Variants in NPAS3 observed in about 807,000 individuals in gnomAD.
The protein encoded by NPAS3 is neuronal PAS domain protein 3.
Under a neutral mutation model 73.1 loss-of-function variants are expected in NPAS3, and 14 were observed. The ratio of observed to expected loss-of-function variants is 0.19; its 90% CI spans 0.13 to 0.30. The LOEUF is 0.30. Among genes scored for constraint, NPAS3 ranks in the 10% least tolerant of loss-of-function variants. NPAS3 has a pLI of 1.00. For synonymous variants in NPAS3, 620 were observed against 541.5 expected, an observed-to-expected ratio of 1.14 and a Z score of -2.01; for missense variants, 1,096 against 1,250.0, an observed-to-expected ratio of 0.88 and a Z score of 1.86.
intron 2 of NPAS3, among the ~76,000 whole-genome samples, chr14:33,199,455 G>A (rs1344124985): frequency 1.3e-5 from 2 of 152,176 alleles, no homozygotes; most frequent in African/African-American, 4.8e-5. Context: ...CATTCTGAAT[G>A]TTACTGTGTA....
chr14:33,500,424 G>T (rs189835215), intron 4 of NPAS3, among the ~76,000 whole-genome samples: 11 of 151,930 alleles, frequency 7.2e-5, no homozygotes, highest in Admixed American at 2.0e-4. Flanking sequence ...TCCCAAGTCC[G>T]ATCAGTGCAG....
intron 2 of NPAS3, among the ~76,000 whole-genome samples, chr14:33,077,330 T>C (rs2041694402): frequency 1.3e-5 from 2 of 152,180 alleles, no homozygotes; most frequent in South Asian, 4.1e-4. Context: ...TTGATTTCCT[T>C]TTGGAAATTA....
At chr14:33,522,719 C>T (rs1288808081) in intron 4 of NPAS3, among the ~76,000 whole-genome samples, 11 of 151,982 alleles carry the variant, frequency 7.2e-5, no homozygotes, top group Admixed American at 6.6e-4. Context: ...TGGTATATAT[C>T]CCACCCTACT....
intron 3 of NPAS3, among the ~76,000 whole-genome samples, chr14:33,223,852 T>A (rs2047524897): frequency 6.6e-6 from 1 of 152,066 alleles, no homozygotes; most frequent in African/African-American, 2.4e-5. Flanking sequence ...AAAAAATTTT[T>A]TTTTGTTTGT....
chr14:33,665,035 C>T (rs2059414543), intron 5 of NPAS3, among the ~76,000 whole-genome samples: 1 of 152,220 alleles, frequency 6.6e-6, no homozygotes, highest in Non-Finnish European at 1.5e-5. Context: ...ATAAATCATT[C>T]TGCTATAAAG....
chr14:33,322,278 C>G (rs552803784), intron 3 of NPAS3, among the ~76,000 whole-genome samples: 8 of 152,118 alleles, frequency 5.3e-5, no homozygotes, highest in Non-Finnish European at 1.0e-4. Flanking sequence ...CCATTGCCTC[C>G]GTCAGTATCC....
chr14:32,994,812 A>G (rs547062739), intron 1 of NPAS3, among the ~76,000 whole-genome samples: 96 of 152,122 alleles, frequency 6.3e-4, no homozygotes, highest in African/African-American at 2.2e-3. Flanking sequence ...TTGTATTTTC[A>G]GTAGAGATGG....
At chr14:33,498,709 A>AT (rs2052342746) in intron 4 of NPAS3, among the ~76,000 whole-genome samples, 1 of 104,116 alleles carries the variant, frequency 9.6e-6, no homozygotes, top group Non-Finnish European at 1.8e-5. Context: ...GGGCTAGGGA[A>AT]GGGGTTAGGA....
chr14:33,613,759 A>G (rs1206277102), intron 5 of NPAS3, among the ~76,000 whole-genome samples: 1 of 152,122 alleles, frequency 6.6e-6, no homozygotes, highest in African/African-American at 2.4e-5. Flanking sequence ...GTCAAAATCT[A>G]TCCAATCTAC....
chr14:33,660,639 G>A (rs1053009237), intron 5 of NPAS3, among the ~76,000 whole-genome samples: 3 of 152,184 alleles, frequency 2.0e-5, no homozygotes, highest in Non-Finnish European at 1.5e-5. Context: ...GGAGGGCAAC[G>A]CAAAGCCATA....
chr14:33,350,472 G>C (rs1423026367), intron 3 of NPAS3, among the ~76,000 whole-genome samples: 1 of 152,124 alleles, frequency 6.6e-6, no homozygotes, highest in East Asian at 1.9e-4. Flanking sequence ...CCCCCTACCT[G>C]TTTGCTTCCT....
At chr14:33,618,548 G>A (rs966365428) in intron 5 of NPAS3, among the ~76,000 whole-genome samples, 45 of 152,176 alleles carry the variant, frequency 3.0e-4, no homozygotes, top group African/African-American at 1.1e-3. Flanking sequence ...GTAATGGGGA[G>A]CAGCTGTAAA....
chr14:33,638,402 C>CCCAGTTCTTCTACTTACTATCTACGTGA (rs1296767026), intron 5 of NPAS3, among the ~76,000 whole-genome samples: 1 of 151,556 alleles, frequency 6.6e-6, no homozygotes, highest in Non-Finnish European at 1.5e-5. Flanking sequence ...TGGGTTTGAA[C>CCCAGTTCTTCTACTTACTATCTACGTGA]CCAGTTCTTC....
intron 2 of NPAS3, among the ~76,000 whole-genome samples, chr14:33,140,220 A>C (rs981775423): frequency 6.6e-6 from 1 of 152,150 alleles, no homozygotes; most frequent in Non-Finnish European, 1.5e-5. Flanking sequence ...CTTGACATAA[A>C]TATCCCACGA....
chr14:33,720,474 T>C (rs2061076966), intron 6 of NPAS3, among the ~76,000 whole-genome samples: 1 of 152,194 alleles, frequency 6.6e-6, no homozygotes, highest in Non-Finnish European at 1.5e-5. Flanking sequence ...AGGGATCAGC[T>C]CCTGCTACAA....
chr14:33,268,930 T>C (rs2040945181), intron 3 of NPAS3, among the ~76,000 whole-genome samples: 1 of 152,180 alleles, frequency 6.6e-6, no homozygotes, highest in Non-Finnish European at 1.5e-5. Flanking sequence ...ATTCACATCT[T>C]CTGTGCCAGC....
At chr14:33,794,953 G>T (rs1341492293) in intron 10 of NPAS3, among the ~76,000 whole-genome samples, 1 of 152,176 alleles carries the variant, frequency 6.6e-6, no homozygotes, top group East Asian at 1.9e-4. Flanking sequence ...CCCACACGTG[G>T]TCTGAGTAGG....
chr14:33,446,813 T>C (rs1367709868), intron 4 of NPAS3, among the ~76,000 whole-genome samples: 1 of 152,260 alleles, frequency 6.6e-6, no homozygotes, highest in Non-Finnish European at 1.5e-5. Flanking sequence ...TATTCATGTA[T>C]GATCTGACCA....
Position 33,799,701 on chromosome 14 carries a change from C to T in NPAS3, c.1427-33C>T, listed in dbSNP as rs377728917. ...GTGTCTTCTCTCTCTTCTCTCTCCG[C>T]CCCCGCCACCGCCGGCCCCCCGCCC... On this transcript the variant is annotated intron_variant, in intron 11 of 11. Transcript: ENST00000356141. 3.9e-5 allele frequency: 60 copies of T among 1,545,440 alleles called. No homozygotes were observed. The African/African-American group carries it at 6.5e-4, about 17-fold the overall frequency.
Sources: gnomAD v4.1 joint callset for allele counts (sites outside exome capture counted in the v4.1 genomes callset) on GRCh38, gnomAD v4.1.1 for gene constraint, MANE v1.5 for transcripts, NCBI Gene and HGNC (gene_info 2026-07-23, HGNC 2026-07-21) for gene names.